The following HEATR5B variants were observed in gnomAD, a reference collection of about 807,000 sequenced individuals.
The protein encoded by HEATR5B is HEAT repeat containing 5B, also known as HEAT repeat-containing protein 5B.
A neutral mutation model predicts 224.1 loss-of-function variants in HEATR5B; 156 were observed. The observed-to-expected ratio is 0.70, with a 90% CI of 0.61 to 0.80. HEATR5B has a LOEUF of 0.80. Among genes scored for constraint, HEATR5B ranks in the 30% least tolerant of loss-of-function variants. The probability of loss-of-function intolerance (pLI) is 0.00; values close to 1 mark genes in which losing one functional copy is unlikely to be tolerated. For synonymous variants in HEATR5B, 1,027 were observed against 893.0 expected, an observed-to-expected ratio of 1.15 and a Z score of -2.68; for missense variants, 2,323 against 2,535.5, an observed-to-expected ratio of 0.92 and a Z score of 1.80.
At chr2:37,064,178 T>C (rs1671449633) in intron 10 of HEATR5B, among the ~76,000 whole-genome samples, 1 of 152,146 alleles carries the variant, frequency 6.6e-6, no homozygotes, top group African/African-American at 2.4e-5. Context: ...TACAATAGCG[T>C]ATTATCCTGA....
At chr2:37,005,282 A>G (rs990761551) in intron 30 of HEATR5B, among the ~76,000 whole-genome samples, 1 of 152,156 alleles carries the variant, frequency 6.6e-6, no homozygotes, top group Non-Finnish European at 1.5e-5. Context: ...GATTTGATTC[A>G]ACCATTGCCC....
In HEATR5B at chr2:36,998,996, C is replaced by T. The variant is rs1235295759; in HGVS notation, c.5545+1590G>A. On this transcript the variant is annotated intron_variant, in intron 33 of 35. Coordinates refer to ENST00000233099, the MANE Select transcript of HEATR5B (RefSeq NM_019024.3). ...TTGGGAGGCCGAGGCAGGAGGATCA[C>T]GAGGTCAGGAGTTCAAGACCAGGCT... is the stretch of plus-strand genomic sequence containing the variant. 6.6e-5 allele frequency among the ~76,000 whole-genome samples: 10 copies of T among 152,012 alleles called. No homozygotes were observed. The East Asian group carries it at 7.7e-4, about 12-fold the overall frequency.
chr2:37,072,541 C>CA (rs1326611496), intron 5 of HEATR5B, among the ~76,000 whole-genome samples: 1 of 152,130 alleles, frequency 6.6e-6, no homozygotes, highest in Non-Finnish European at 1.5e-5. Context: ...TAAACCACCA[C>CA]ATTAGAAAAG....
chr2:37,022,351 G>T (rs576865478), intron 24 of HEATR5B, among the ~76,000 whole-genome samples: 1 of 152,126 alleles, frequency 6.6e-6, no homozygotes, highest in Admixed American at 6.5e-5. Flanking sequence ...GCTAATTGTT[G>T]TATTTTTAAT....
rs185438759 is a variant in HEATR5B at position 37,044,529 on chromosome 2, T to G, written c.2697-3237A>C. Among the ~76,000 whole-genome samples the G allele has an allele frequency of 1.9e-3, 288 of 152,338 alleles. 4 individuals are homozygous for G. The highest frequency in any genetic ancestry group is 0.018 in the Admixed American group (275 of 15,294). ...TCAACCATTGATAATTGTGGATACTTTCCAGTTTTTGGCTCTCATAAATAA... is the reference window on the plus strand; with the variant it reads ...TCAACCATTGATAATTGTGGATACTGTCCAGTTTTTGGCTCTCATAAATAA... On this transcript the variant is annotated intron_variant, in intron 18 of 35. Coordinates refer to ENST00000233099, the MANE Select transcript of HEATR5B (RefSeq NM_019024.3).
Position 36,988,838 on chromosome 2 carries a change from G to T in HEATR5B, c.5719C>A (p.Leu1907Ile), listed in dbSNP as rs765595300. The T allele has an allele frequency of 1.2e-6, 2 of 1,613,882 alleles. No individual in the cohort carries two copies. The highest frequency in any genetic ancestry group is 1.1e-5 in the South Asian group (1 of 91,092). ...GAATGCTGGAAGACTGAGAGGAGAA[G>T]CTGGTAACATTTGGCTTGAACCTAT... Reference protein sequence around the residue: ...DPWVQAKCYQLLLSVFQHSNR... With the variant: ...DPWVQAKCYQILLSVFQHSNR... Residue 1907 changes from leucine (L) to isoleucine (I), a missense_variant, in exon 35 of 36, where the codon CTT (leucine) becomes ATT (isoleucine). Leu to Ile is a conservative substitution (Grantham distance 5). Transcript: ENST00000233099.
Position 36,988,785 on chromosome 2 carries a change from A to C in HEATR5B, c.5772T>G (p.Ile1924Met). ...HSNRALSTPY[I>M]HSLAPIVVEK... is the part of the protein sequence containing the mutation. The stretch of plus-strand genomic sequence containing the variant: ...CAACCACTATTGGAGCTAATGAATG[A>C]ATATAAGGAGTTGAAAGGGCACGAT... The change falls in exon 35 of 36, where the codon ATT becomes ATG. Residue 1924 changes from isoleucine to methionine, a missense_variant. Ile to Met is a conservative substitution (Grantham distance 10, BLOSUM62 1). Transcript: ENST00000233099. The C allele has an allele frequency of 6.2e-7, 1 of 1,614,126 alleles. No individual in the cohort carries two copies. Among genetic ancestry groups the C allele is most frequent in the Non-Finnish European group, 8.5e-7 (1 of 1,180,004 alleles).
At chr2:36,987,864 G>T (rs1666048762) in intron 35 of HEATR5B, among the ~76,000 whole-genome samples, 1 of 152,024 alleles carries the variant, frequency 6.6e-6, no homozygotes, top group African/African-American at 2.4e-5. Flanking sequence ...AGTCCAGGAG[G>T]AGTCAGAGAC....
intron 26 of HEATR5B, among the ~76,000 whole-genome samples, chr2:37,017,630 G>A (rs1558737093): frequency 7.1e-6 from 1 of 141,332 alleles, no homozygotes; most frequent in Non-Finnish European, 1.5e-5. Flanking sequence ...AGGGTGCAGT[G>A]AGCCAAGATT....
intron 21 of HEATR5B, among the ~76,000 whole-genome samples, 171 bp downstream of exon 21, chr2:37,037,684 G>A (rs561860159): frequency 6.6e-5 from 10 of 152,220 alleles, no homozygotes; most frequent in Admixed American, 2.0e-4. Flanking sequence ...AATGCTTGAG[G>A]TGATGGATAC....
chr2:37,060,060 G>A (rs1419356184), intron 12 of HEATR5B, among the ~76,000 whole-genome samples: 6 of 152,092 alleles, frequency 3.9e-5, no homozygotes, highest in South Asian at 2.1e-4. Flanking sequence ...AAACCTGAGC[G>A]TTTCCTGTAA....
At chr2:37,068,586 G>A in intron 8 of HEATR5B, 95 bp downstream of exon 8, 1 of 1,300,124 alleles carries the variant, frequency 7.7e-7, no homozygotes, top group Non-Finnish European at 1.1e-6. Flanking sequence ...CACACAGAAA[G>A]ATAAACTAAT....
At chr2:37,049,379 G>A (rs1035187884) in intron 18 of HEATR5B, among the ~76,000 whole-genome samples, 2 of 152,152 alleles carry the variant, frequency 1.3e-5, no homozygotes, top group East Asian at 3.9e-4. Flanking sequence ...ACATAACAGA[G>A]AAGTCCTTAT....
rs1671740161 is a variant in HEATR5B at position 37,068,875 on chromosome 2, G to A, written c.983C>T (p.Ala328Val). Residue 328 changes from alanine to valine, a missense_variant, in exon 8 of 36, where the codon GCC becomes GTC. Transcript: ENST00000233099. ...ATCAAGTACATGGGACAGGAACGTG[G>A]CAAAGCTGCGCTCCAACCACTGACC... is the stretch of plus-strand genomic sequence containing the variant. ...LGGQWLERSF[A>V]TFLSHVLDLV... The A allele has an allele frequency of 1.2e-6, 2 of 1,614,114 alleles. No homozygotes were observed. Among genetic ancestry groups the A allele is most frequent in the South Asian group, 1.1e-5 (1 of 91,086 alleles).
chr2:37,020,680 A>C lies in HEATR5B; in HGVS notation c.4010T>G (p.Val1337Gly), dbSNP rs771158160. The C allele has an allele frequency of 6.3e-7, 1 of 1,588,852 alleles. No individual in the cohort carries two copies. Among genetic ancestry groups the C allele is most frequent in the South Asian group, 1.2e-5 (1 of 85,984 alleles). ...ATTAGCCTGATACTGCTCCAGTATC[A>C]CATGACCTGGAAATTCTGGCTCAGG... ...SVPEPEFPGH[V>G]ILEQYQANVG... The change falls in exon 25 of 36, where the codon GTG becomes GGG. Residue 1337 changes from valine (V) to glycine (G), a missense_variant. Physicochemically the swap from Val to Gly is moderately radical, Grantham distance 109. Transcript: ENST00000233099.
At chr2:37,009,100 A>G (rs1253356308) in intron 27 of HEATR5B, among the ~76,000 whole-genome samples, 2 of 151,840 alleles carry the variant, frequency 1.3e-5, no homozygotes. Context: ...TCTACGAAAA[A>G]TACAAAAATT....
At chr2:37,030,567 G>C (rs1462460718) in intron 22 of HEATR5B, among the ~76,000 whole-genome samples, 2 of 152,094 alleles carry the variant, frequency 1.3e-5, no homozygotes, top group African/African-American at 4.8e-5. Context: ...CAAGGACATA[G>C]TGCCAAAAAA....
intron 8 of HEATR5B, 54 bp from the exon 9 acceptor site, chr2:37,065,964 T>A: frequency 1.3e-6 from 2 of 1,528,092 alleles, no homozygotes; most frequent in Non-Finnish European, 1.8e-6. Flanking sequence ...GTGGTATGAT[T>A]TTTTTGGTCT....
intron 24 of HEATR5B, among the ~76,000 whole-genome samples, chr2:37,022,282 G>T (rs572860347): frequency 6.6e-6 from 1 of 151,838 alleles, no homozygotes; most frequent in African/African-American, 2.4e-5. Flanking sequence ...GGGTTCAAGC[G>T]ATTCTCCTGC....
Sources: allele counts gnomAD v4.1 joint callset (sites outside exome capture counted in the v4.1 genomes callset), GRCh38; gene constraint gnomAD v4.1.1; transcripts MANE v1.5; gene names NCBI Gene and HGNC (gene_info 2026-07-23, HGNC 2026-07-21).